ZNF324B: variants seen among roughly 807,000 people sequenced by gnomAD.
ZNF324B encodes zinc finger protein 324B.
A neutral mutation model predicts 10.6 loss-of-function variants in ZNF324B; 7 were observed. That is an observed-to-expected ratio of 0.66 (90% CI 0.38 to 1.24). The LOEUF (loss-of-function observed/expected upper bound fraction) is 1.24. Among genes scored for constraint, ZNF324B ranks in the 50% most tolerant of loss-of-function variants. The probability of loss-of-function intolerance (pLI) is 0.02; values close to 1 mark genes in which losing one functional copy is unlikely to be tolerated. For synonymous variants in ZNF324B, 316 were observed against 321.0 expected (o/e 0.98, Z 0.17); for missense variants, 640 against 764.7 (o/e 0.84, Z 1.92).
chr19:58,431,626 A>G, the ZNF324B span, among the ~76,000 whole-genome samples: 38 of 152,084 alleles, frequency 2.5e-4, no homozygotes, highest in African/African-American at 8.9e-4. Flanking sequence ...ACTTCCTTGT[A>G]TGGGGGAGGT....
chr19:58,433,309 C>T, the ZNF324B span: 24 of 1,599,096 alleles, frequency 1.5e-5, no homozygotes, highest in Non-Finnish European at 2.0e-5. Flanking sequence ...AAGACCACTT[C>T]CATAAGGCTC....
chr19:58,453,403 G>A (rs1287695628), intron 1 of ZNF324B: 7 of 503,722 alleles, frequency 1.4e-5, no homozygotes, highest in African/African-American at 9.7e-5. Flanking sequence ...AGTCACGAGT[G>A]GATATTTGGG....
At chr19:58,439,782 C>A in the ZNF324B span, 1 of 1,546,314 alleles carries the variant, frequency 6.5e-7, no homozygotes, top group Non-Finnish European at 8.7e-7. Context: ...ATCAGCAACG[C>A]TGGCAACCCC....
rs1599986090 is a variant in ZNF324B, at chr19:58,456,467, C to G, written c.1523C>G (p.Thr508Ser). The change falls in exon 4 of 4, where the codon ACC becomes AGC. Residue 508 changes from threonine to serine, a missense_variant. Physicochemically the swap from Thr to Ser is moderately conservative, Grantham distance 58. Around this residue, in one of 3 missense-constraint regions of ZNF324B, gnomAD observed 238 missense variants for 258.0 expected, o/e 0.92. Coordinates refer to ENST00000336614, the MANE Select transcript of ZNF324B (RefSeq NM_207395.3). The surrounding 1 kb of genome is among the most constrained non-coding windows in gnomAD (Gnocchi z 4.7). ...CAGAGGATCCACACCACAGAGAAGA[C>G]CAATGCCGCAGCACCAGACTGCACC... ...HHQRIHTTEKTNAAAPDCTPG... is the reference protein window; with the variant it reads ...HHQRIHTTEKSNAAAPDCTPG... 1 of 1,614,134 alleles carries G rather than the reference C, an allele frequency of 6.2e-7. No individual in the cohort carries two copies.
the ZNF324B span, chr19:58,434,365 G>C: frequency 6.2e-7 from 1 of 1,614,260 alleles, no homozygotes; most frequent in Non-Finnish European, 8.5e-7. Context: ...AATGAGGTGT[G>C]ATCTGTTACT....
chr19:58,455,556 G>A lies in ZNF324B; in HGVS notation c.612G>A (p.Gly204=), dbSNP rs2052908522. ...AGCCATGTGCACAGGAGGTCCCTGGGAGAGCCTTCGGGAATGCCTCGGACC... is the reference window on the plus strand; with the variant it reads ...AGCCATGTGCACAGGAGGTCCCTGGAAGAGCCTTCGGGAATGCCTCGGACC... ...RQKPCAQEVP[G]RAFGNASDLK... is the part of the protein sequence containing the mutation. The change falls in exon 4 of 4, where the codon GGG becomes GGA. Residue 204 remains glycine (G), a synonymous_variant. Coordinates refer to ENST00000336614, the MANE Select transcript of ZNF324B (RefSeq NM_207395.3). This position sits in a 1 kb window ranked among gnomAD's most constrained non-coding sequence, Gnocchi z 7.0. The A allele has an allele frequency of 6.2e-7, 1 of 1,614,128 alleles. No homozygotes were observed. The highest frequency in any genetic ancestry group is 8.5e-7 in the Non-Finnish European group (1 of 1,180,032).
upstream of ZNF324B, among the ~76,000 whole-genome samples, chr19:58,447,463 A>G (rs1164017037): frequency 6.6e-6 from 1 of 152,220 alleles, no homozygotes; most frequent in African/African-American, 2.4e-5. Context: ...AATGTTTCAA[A>G]CAATTAGCAT....
At chr19:58,425,053 A>G in the ZNF324B span, among the ~76,000 whole-genome samples, 2 of 152,100 alleles carry the variant, frequency 1.3e-5, no homozygotes, top group Non-Finnish European at 2.9e-5. Flanking sequence ...CAGGAGTTTG[A>G]AACCAGCATT....
At chr19:58,437,874 A>G in the ZNF324B span, 2 of 827,146 alleles carry the variant, frequency 2.4e-6, no homozygotes, top group Non-Finnish European at 2.9e-6. Context: ...AACCATAAGC[A>G]GATCTCAAAT....
At chr19:58,437,305 C>A in the ZNF324B span, 1 of 1,405,672 alleles carries the variant, frequency 7.1e-7, no homozygotes, top group East Asian at 2.4e-5. Context: ...ACTAATATCT[C>A]TTTTTCTTAT....
intron 1 of ZNF324B, chr19:58,452,726 A>G (rs947843458): frequency 3.1e-5 from 27 of 877,722 alleles, no homozygotes; most frequent in South Asian, 1.0e-4. Flanking sequence ...GACAGGGCCT[A>G]TAAACTGGAC....
chr19:58,446,081 G>C, the ZNF324B span, among the ~76,000 whole-genome samples: 2 of 152,206 alleles, frequency 1.3e-5, no homozygotes, highest in African/African-American at 4.8e-5. Context: ...ATTGCAGTGA[G>C]CCAAGATCAT....
the ZNF324B span, among the ~76,000 whole-genome samples, chr19:58,439,025 T>A: frequency 2.0e-5 from 3 of 150,448 alleles, no homozygotes; most frequent in African/African-American, 7.3e-5. Context: ...CTGGCCGCCT[T>A]GGCCTCCCAA....
At chr19:58,426,603 C>G in the ZNF324B span, among the ~76,000 whole-genome samples, 1 of 152,102 alleles carries the variant, frequency 6.6e-6, no homozygotes, top group East Asian at 1.9e-4. Flanking sequence ...CCCCCATGTT[C>G]CAGATAGTTC....
the ZNF324B span, among the ~76,000 whole-genome samples, chr19:58,427,491 TTCC>T: frequency 2.7e-5 from 3 of 113,142 alleles, no homozygotes; most frequent in Admixed American, 2.6e-4. Context: ...CCTTCCTTCC[TTCC>T]TTTCTTTCTT....
the ZNF324B span, chr19:58,434,238 A>C: frequency 6.2e-7 from 1 of 1,614,088 alleles, no homozygotes; most frequent in Non-Finnish European, 8.5e-7. Flanking sequence ...TGCACTCATA[A>C]GGTCTTACCT....
the ZNF324B span, chr19:58,445,030 G>A: frequency 4.3e-6 from 1 of 234,108 alleles, no homozygotes; most frequent in Non-Finnish European, 8.3e-6. Context: ...GGACTCCTAA[G>A]TTCAGGGAAT....
the ZNF324B span, chr19:58,437,131 C>G: frequency 6.2e-7 from 1 of 1,614,044 alleles, no homozygotes; most frequent in African/African-American, 1.3e-5. Flanking sequence ...TCCCACTCCT[C>G]TTGGGAGAAG....
the ZNF324B span, chr19:58,444,477 ATAAATAAATACATAGATACC>A: frequency 6.6e-6 from 1 of 152,228 alleles, no homozygotes; most frequent in South Asian, 2.1e-4. Flanking sequence ...TCTAAAATAA[ATAAATAAATACATAGATACC>A]TAAATAGTTT....
Sources: gnomAD v4.1 joint callset for allele counts (sites outside exome capture counted in the v4.1 genomes callset) on GRCh38, gnomAD v4.1.1 for gene constraint, gnomAD v4.1.1 regional missense constraint, Gnocchi (gnomAD v3.1) non-coding constraint, MANE v1.5 for transcripts, NCBI Gene and HGNC (gene_info 2026-07-23, HGNC 2026-07-21) for gene names.